AGBL4: variants seen among roughly 807,000 people sequenced by gnomAD.
The protein encoded by AGBL4 is cytosolic carboxypeptidase 6.
In AGBL4, 58 loss-of-function variants were observed where a neutral mutation model predicts 66.4. The observed-to-expected ratio is 0.87, with a 90% CI of 0.71 to 1.09. AGBL4 has a LOEUF of 1.09. AGBL4 is among the 50% of genes least tolerant of loss of function. The pLI is 0.00. For missense variants in AGBL4, 579 were observed against 631.0 expected (o/e 0.92, Z 0.88); for synonymous variants, 234 against 222.9 (o/e 1.05, Z -0.44).
Position 48,995,974 on chromosome 1 carries a change from T to C in AGBL4, c.594+49610A>G, listed in dbSNP as rs574216839. ...AGGCTATTTCAGCAGTCCAAACATA[T>C]AATAGTGACCTGGATTAGGGTTATG... On this transcript the variant is annotated intron_variant, in intron 5 of 13. Coordinates refer to ENST00000371839, the MANE Select transcript of AGBL4 (RefSeq NM_032785.4). 3.9e-5 allele frequency among the ~76,000 whole-genome samples: 6 copies of C among 152,136 alleles called. No homozygotes were observed. In the South Asian group the frequency reaches 1.0e-3, roughly 26 times the overall value.
chr1:49,555,405 C>T (rs1653349072), intron 3 of AGBL4, among the ~76,000 whole-genome samples: 1 of 148,446 alleles, frequency 6.7e-6, no homozygotes, highest in Non-Finnish European at 1.5e-5. Context: ...TTCTCCAAGT[C>T]CCCACTAGAT....
chr1:49,116,475 A>AT (rs896738984), intron 4 of AGBL4, among the ~76,000 whole-genome samples: 1 of 152,042 alleles, frequency 6.6e-6, no homozygotes, highest in East Asian at 1.9e-4. Flanking sequence ...GTGGTGTTTG[A>AT]TTTTTTGTCC....
At chr1:48,834,386 CA>C (rs1170774504) in intron 6 of AGBL4, among the ~76,000 whole-genome samples, 4 of 151,952 alleles carry the variant, frequency 2.6e-5, no homozygotes, top group Non-Finnish European at 2.9e-5. Flanking sequence ...ATTGGGGGGC[CA>C]GGGGCGGAAT....
chr1:49,539,303 T>C (rs1651831945), intron 3 of AGBL4, among the ~76,000 whole-genome samples: 1 of 152,242 alleles, frequency 6.6e-6, no homozygotes, highest in Non-Finnish European at 1.5e-5. Flanking sequence ...TTTTTACTTA[T>C]CTGTATTTCT....
At chr1:49,687,273 A>C (rs1282622853) in intron 3 of AGBL4, among the ~76,000 whole-genome samples, 1 of 152,224 alleles carries the variant, frequency 6.6e-6, no homozygotes, top group Non-Finnish European at 1.5e-5. Context: ...AATATATGTA[A>C]ATAGATTAAA....
At chr1:48,650,230 C>G (rs1483480582) in intron 8 of AGBL4, among the ~76,000 whole-genome samples, 2 of 152,306 alleles carry the variant, frequency 1.3e-5, no homozygotes, top group African/African-American at 2.4e-5. Flanking sequence ...GCATCCCTGC[C>G]CGCTCCTCAC....
At chr1:48,610,386 T>A (rs534302434) in intron 9 of AGBL4, among the ~76,000 whole-genome samples, 1 of 152,216 alleles carries the variant, frequency 6.6e-6, no homozygotes, top group East Asian at 1.9e-4. Context: ...CACTAGACAG[T>A]AGAGACTACA....
At chr1:48,716,258 C>T (rs932451245) in intron 6 of AGBL4, among the ~76,000 whole-genome samples, 5 of 152,088 alleles carry the variant, frequency 3.3e-5, no homozygotes, top group African/African-American at 4.8e-5. Flanking sequence ...TGGTTTCTTG[C>T]GGTTGAGGAG....
At chr1:48,965,972 C>T (rs893262560) in intron 5 of AGBL4, among the ~76,000 whole-genome samples, 1 of 152,096 alleles carries the variant, frequency 6.6e-6, no homozygotes, top group Non-Finnish European at 1.5e-5. Context: ...TAGGAGAAAA[C>T]AGATTTGAGG....
intron 4 of AGBL4, among the ~76,000 whole-genome samples, chr1:49,098,323 A>G (rs1198089076): frequency 6.6e-6 from 1 of 152,238 alleles, no homozygotes; most frequent in Non-Finnish European, 1.5e-5. Context: ...TATAGAGTGG[A>G]GGAGATGTAG....
intron 3 of AGBL4, among the ~76,000 whole-genome samples, chr1:49,654,511 G>A (rs1646077509): frequency 6.6e-6 from 1 of 152,146 alleles, no homozygotes; most frequent in Non-Finnish European, 1.5e-5. Context: ...TCTGTCTAAT[G>A]TTGACAGTGG....
At chr1:48,995,151 C>G (rs1553136717) in intron 5 of AGBL4, among the ~76,000 whole-genome samples, 5 of 152,194 alleles carry the variant, frequency 3.3e-5, no homozygotes, top group Non-Finnish European at 7.3e-5. Flanking sequence ...TACAGTCCTA[C>G]TCTCCCTCCA....
chr1:49,487,925 G>A (rs1647103372), intron 3 of AGBL4, among the ~76,000 whole-genome samples: 1 of 151,836 alleles, frequency 6.6e-6, no homozygotes, highest in South Asian at 2.1e-4. Context: ...AAAGATATCA[G>A]GGATAATTGA....
chr1:48,611,471 C>T (rs1645238365), intron 9 of AGBL4, among the ~76,000 whole-genome samples: 1 of 152,336 alleles, frequency 6.6e-6, no homozygotes, highest in South Asian at 2.1e-4. Flanking sequence ...TTTTTTTCTT[C>T]ATCCTTAAAA....
At chr1:49,373,772 A>G (rs1286649161) in intron 3 of AGBL4, among the ~76,000 whole-genome samples, 1 of 152,018 alleles carries the variant, frequency 6.6e-6, no homozygotes, top group East Asian at 1.9e-4. Context: ...GACACTATTA[A>G]AAAAATATCT....
At chr1:49,250,519 T>C (rs917071740) in intron 3 of AGBL4, among the ~76,000 whole-genome samples, 1 of 149,636 alleles carries the variant, frequency 6.7e-6, no homozygotes, top group African/African-American at 2.5e-5. Context: ...TCTCAGCTCA[T>C]TGCAACCTCC....
intron 4 of AGBL4, among the ~76,000 whole-genome samples, chr1:49,090,749 T>C (rs1644988394): frequency 1.3e-5 from 2 of 152,166 alleles, no homozygotes; most frequent in Admixed American, 1.3e-4. Flanking sequence ...TTAAAATTCA[T>C]GTAGAGTCAA....
At chr1:48,606,596 C>T (rs1645157293) in intron 9 of AGBL4, among the ~76,000 whole-genome samples, 1 of 152,144 alleles carries the variant, frequency 6.6e-6, no homozygotes, top group Non-Finnish European at 1.5e-5. Flanking sequence ...AAAAGGATCT[C>T]CAAAGGGATG....
At chr1:49,859,051 T>C (rs1571730661) in intron 1 of AGBL4, among the ~76,000 whole-genome samples, 1 of 151,628 alleles carries the variant, frequency 6.6e-6, no homozygotes, top group African/African-American at 2.4e-5. Flanking sequence ...AAGAAACTAA[T>C]AGAAATAAAA....
Sources: allele counts gnomAD v4.1 joint callset (sites outside exome capture counted in the v4.1 genomes callset), GRCh38; gene constraint gnomAD v4.1.1; transcripts MANE v1.5; gene names NCBI Gene and HGNC (gene_info 2026-07-23, HGNC 2026-07-21).